The following SH3KBP1 variants were observed in gnomAD, a reference collection of about 807,000 sequenced individuals.
SH3KBP1 encodes the protein SH3 domain containing kinase binding protein 1, also known as SH3 domain-containing kinase-binding protein 1.
In SH3KBP1, 8 loss-of-function variants were observed where a neutral mutation model predicts 50.1. The ratio of observed to expected loss-of-function variants is 0.16; its 90% confidence interval spans 0.09 to 0.29. The LOEUF is 0.29. SH3KBP1 is among the 10% of genes least tolerant of loss of function. The pLI is 1.00. For missense variants in SH3KBP1, 377 were observed against 535.2 expected (o/e 0.70, Z 2.92); for synonymous variants, 227 against 218.6 (o/e 1.04, Z -0.34).
At chrX:19,776,489 AT>A (rs1217688655) in intron 2 of SH3KBP1, among the ~76,000 whole-genome samples, 2 of 101,722 alleles carry the variant, frequency 2.0e-5, no homozygotes, top group African/African-American at 7.3e-5. Flanking sequence ...AAATAAAAGA[AT>A]TTTTTTTAAA....
At chrX:19,683,260 G>C in intron 6 of SH3KBP1, 1 of 351,110 alleles carries the variant, frequency 2.8e-6, no homozygotes, top group South Asian at 2.5e-5. Context: ...GAGGCAGAAG[G>C]AAACAGCCAG....
At chrX:19,865,587 C>T (rs1305077660) in intron 1 of SH3KBP1, among the ~76,000 whole-genome samples, 3 of 112,068 alleles carry the variant, frequency 2.7e-5, no homozygotes, top group Non-Finnish European at 3.8e-5. Flanking sequence ...AAAGTAGCTA[C>T]GGATCACACA....
chrX:19,714,133 C>T (rs1325168406), intron 3 of SH3KBP1, among the ~76,000 whole-genome samples: 3 of 111,574 alleles, frequency 2.7e-5, no homozygotes, highest in Non-Finnish European at 3.8e-5. Context: ...ATCTAAAACT[C>T]CAAACAATTG....
At chrX:19,872,364 G>A (rs1244466297) in intron 1 of SH3KBP1, among the ~76,000 whole-genome samples, 1 of 110,080 alleles carries the variant, frequency 9.1e-6, no homozygotes, top group Non-Finnish European at 1.9e-5. Context: ...CTTTCACTGT[G>A]TATCCTCTAA....
intron 8 of SH3KBP1, among the ~76,000 whole-genome samples, chrX:19,610,750 A>G (rs1351047087): frequency 8.9e-6 from 1 of 111,797 alleles, no homozygotes; most frequent in African/African-American, 3.3e-5. Context: ...GGAGAGAACC[A>G]TTAACAGTTT....
chrX:19,788,269 CAA>C (rs1227301099), intron 2 of SH3KBP1, among the ~76,000 whole-genome samples: 2 of 25,580 alleles, frequency 7.8e-5, no homozygotes, highest in African/African-American at 2.0e-4. Context: ...ATTCTATCTC[CAA>C]AAAAAAAAAA....
chrX:19,885,024 C>T (rs1455899343), intron 1 of SH3KBP1, among the ~76,000 whole-genome samples: 3 of 111,832 alleles, frequency 2.7e-5, no homozygotes, highest in Non-Finnish European at 5.6e-5. Flanking sequence ...CAGAATCAGG[C>T]ACAGTGGTGT....
intron 6 of SH3KBP1, among the ~76,000 whole-genome samples, chrX:19,646,439 T>C (rs753709626): frequency 1.3e-4 from 14 of 111,836 alleles, no homozygotes; most frequent in Non-Finnish European, 2.1e-4. Context: ...GTGATCATGA[T>C]TGATGCCTGA....
chrX:19,699,796 T>G (rs2063503087), intron 4 of SH3KBP1, among the ~76,000 whole-genome samples: 1 of 111,810 alleles, frequency 8.9e-6, no homozygotes, highest in Admixed American at 9.5e-5. Context: ...CACCCCTTCT[T>G]GCACCCCATT....
chrX:19,541,879 A>G lies in SH3KBP1; in HGVS notation c.1892+46T>C, dbSNP rs765447207. Reference sequence around the variant, plus strand: ...TTTCAGAACTAGGTGCTGGCCTGGCAGAGAGCAACCTGGGTGACGGCCCCC... The same window carrying G: ...TTTCAGAACTAGGTGCTGGCCTGGCGGAGAGCAACCTGGGTGACGGCCCCC... On this transcript the variant is annotated intron_variant, in intron 16 of 17. Coordinates refer to ENST00000397821, the MANE Select transcript of SH3KBP1 (RefSeq NM_031892.3). 6.0e-6 allele frequency: 7 copies of G among 1,171,269 alleles called. No homozygotes were observed. The South Asian group carries it at 1.2e-4, about 20-fold the overall frequency.
At chrX:19,615,537 T>G (rs1050351464) in intron 8 of SH3KBP1, among the ~76,000 whole-genome samples, 2 of 112,113 alleles carry the variant, frequency 1.8e-5, no homozygotes, top group Admixed American at 1.9e-4. Flanking sequence ...ATGAACGCCT[T>G]CTGCATAGAG....
At chrX:19,826,685 AATAACATAACATAACATAACATAAC>A (rs3036641) in intron 2 of SH3KBP1, among the ~76,000 whole-genome samples, 40 of 89,668 alleles carry the variant, frequency 4.5e-4, no homozygotes, top group Non-Finnish European at 5.9e-4. Flanking sequence ...ACTGTCTCTA[AATAACATAACATAACATAACATAAC>A]ATAACATAAC....
chrX:19,870,534 C>T (rs1379518332), intron 1 of SH3KBP1, among the ~76,000 whole-genome samples: 1 of 111,476 alleles, frequency 9.0e-6, no homozygotes, highest in Non-Finnish European at 1.9e-5. Flanking sequence ...TAAATAGAGA[C>T]AGGGTATCGC....
rs373426862 is a variant in SH3KBP1 at position 19,694,946 on chromosome X, G to A, written c.520+666C>T. 2.7e-4 allele frequency: 283 copies of A among 1,060,803 alleles called. 1 individual carries two copies. In the African/African-American group the frequency reaches 4.9e-3, roughly 18 times the overall value. 87.4% of individuals were successfully genotyped at this position (1,060,803 alleles called of 1,213,427 possible). ...AAGACAGCACAAGAGATACACAGAC[G>A]CCCACAGTTGGGTTAGTGACTGGGA... is the stretch of plus-strand genomic sequence containing the variant. On this transcript the variant is annotated intron_variant, in intron 5 of 17. Coordinates refer to ENST00000397821, the MANE Select transcript of SH3KBP1 (RefSeq NM_031892.3).
chrX:19,772,529 C>T (rs760566005), intron 2 of SH3KBP1, among the ~76,000 whole-genome samples: 11 of 110,941 alleles, frequency 9.9e-5, no homozygotes, highest in South Asian at 7.6e-4. Context: ...GCGATTTCCT[C>T]AGCTTCCTGA....
chrX:19,707,724 G>A (rs760223919), intron 3 of SH3KBP1, among the ~76,000 whole-genome samples: 1 of 112,324 alleles, frequency 8.9e-6, no homozygotes, highest in South Asian at 3.7e-4. Context: ...TCCTATCTGG[G>A]AGACCCTGGC....
At chrX:19,574,187 T>C (rs145072677) in intron 12 of SH3KBP1, among the ~76,000 whole-genome samples, 126 of 111,521 alleles carry the variant, frequency 1.1e-3, no homozygotes, top group African/African-American at 3.6e-3. Context: ...TCCATCTCTC[T>C]TCCTCGTGTT....
chrX:19,850,936 C>T (rs892176726), intron 1 of SH3KBP1, among the ~76,000 whole-genome samples: 3 of 110,401 alleles, frequency 2.7e-5, no homozygotes, highest in African/African-American at 9.9e-5. Context: ...TTGGGAAGCG[C>T]TGGCCCATCT....
chrX:19,855,610 T>TTAGCCTCTACCTGGCTCAGTGCTACACA (rs753330122), intron 1 of SH3KBP1, among the ~76,000 whole-genome samples: 1 of 108,874 alleles, frequency 9.2e-6, no homozygotes, highest in Non-Finnish European at 1.9e-5. Context: ...TCATTTACTC[T>TTAGCCTCTACCTGGCTCAGTGCTACACA]TAGCCTCTAC....
Sources: allele counts gnomAD v4.1 joint callset (sites outside exome capture counted in the v4.1 genomes callset), GRCh38; gene constraint gnomAD v4.1.1; transcripts MANE v1.5; gene names NCBI Gene and HGNC (gene_info 2026-07-23, HGNC 2026-07-21).